The following PCDH9 variants were observed in gnomAD, a reference collection of about 807,000 sequenced individuals.
PCDH9 encodes the protein protocadherin-9.
Under a neutral mutation model 70.6 loss-of-function variants are expected in PCDH9, and 24 were observed. The observed-to-expected ratio is 0.34, with a 90% CI of 0.25 to 0.48. PCDH9 has a LOEUF of 0.48. Among genes scored for constraint, PCDH9 ranks in the 20% least tolerant of loss-of-function variants. The pLI is 0.99. For synonymous variants in PCDH9, 562 were observed against 558.5 expected (o/e 1.01, Z -0.09); for missense variants, 1,281 against 1,503.6 (o/e 0.85, Z 2.45).
At chr13:66,351,981 A>G (rs1247988861) in intron 4 of PCDH9, among the ~76,000 whole-genome samples, 1 of 152,106 alleles carries the variant, frequency 6.6e-6, no homozygotes, top group East Asian at 1.9e-4. Context: ...GATTACAGGC[A>G]TCAGCCACCA....
At chr13:66,582,054 T>G (rs140479055) in intron 4 of PCDH9, among the ~76,000 whole-genome samples, 70 of 152,250 alleles carry the variant, frequency 4.6e-4, no homozygotes, top group African/African-American at 1.6e-3. Flanking sequence ...GGGTAATGTC[T>G]TGAGACCAAA....
chr13:66,678,179 T>C (rs1179845567), intron 3 of PCDH9, among the ~76,000 whole-genome samples: 1 of 152,160 alleles, frequency 6.6e-6, no homozygotes, highest in Non-Finnish European at 1.5e-5. Flanking sequence ...CTGATGTTAC[T>C]GTTCAAACAT....
intron 4 of PCDH9, among the ~76,000 whole-genome samples, chr13:66,588,088 T>G (rs969672153): frequency 3.9e-5 from 6 of 152,110 alleles, no homozygotes; most frequent in African/African-American, 1.2e-4. Context: ...ACAATAACTT[T>G]GTAAAAAATC....
At chr13:66,872,738 G>T (rs2081718963) in intron 3 of PCDH9, among the ~76,000 whole-genome samples, 1 of 152,056 alleles carries the variant, frequency 6.6e-6, no homozygotes, top group Non-Finnish European at 1.5e-5. Context: ...GATTCAACTT[G>T]CAAGTCTTTG....
In PCDH9 at chr13:66,489,690, G is replaced by T. The variant is rs369693658; in HGVS notation, c.3340+141520C>A. On this transcript the variant is annotated intron_variant, in intron 4 of 4. Coordinates refer to ENST00000377865, the MANE Select transcript of PCDH9 (RefSeq NM_203487.3). Reference sequence around the variant, plus strand: ...CCTTCTCCACTGCAAATCCCATGAAGAAATTTCCATCTGTATATGCCTAGT... The same window carrying T: ...CCTTCTCCACTGCAAATCCCATGAATAAATTTCCATCTGTATATGCCTAGT... Among the ~76,000 whole-genome samples the T allele has an allele frequency of 1.2e-4, 19 of 152,158 alleles. No homozygotes were observed. In the South Asian group the frequency reaches 3.5e-3, roughly 28 times the overall value.
At chr13:66,562,699 A>C (rs766230239) in intron 4 of PCDH9, among the ~76,000 whole-genome samples, 1 of 152,140 alleles carries the variant, frequency 6.6e-6, no homozygotes, top group African/African-American at 2.4e-5. Flanking sequence ...GGGAGCTGCA[A>C]TTCAAGATGA....
At position 66,835,484 on chromosome 13, in the gene PCDH9, A is replaced by G. The variant is rs544144879; in HGVS notation, c.3138+68020T>C. On this transcript the variant is annotated intron_variant, in intron 3 of 4. Coordinates refer to ENST00000377865, the MANE Select transcript of PCDH9 (RefSeq NM_203487.3). ...CACGACATTTGTATTTGGGTCTGTC[A>G]TTGTGATTAAATAACACAGAATTTG... 1.4e-3 allele frequency among the ~76,000 whole-genome samples: 211 copies of G among 152,324 alleles called. 2 individuals are homozygous for G. The highest frequency in any genetic ancestry group is 2.4e-3 in the Admixed American group (37 of 15,302).
chr13:67,047,019 A>G (rs2085234868), intron 2 of PCDH9, among the ~76,000 whole-genome samples: 1 of 152,216 alleles, frequency 6.6e-6, no homozygotes, highest in African/African-American at 2.4e-5. Context: ...ACTTGCCATT[A>G]TGCCTGCATA....
intron 2 of PCDH9, among the ~76,000 whole-genome samples, chr13:67,152,681 C>T (rs1055510134): frequency 2.6e-5 from 4 of 152,014 alleles, no homozygotes; most frequent in Non-Finnish European, 5.9e-5. Flanking sequence ...CAAAATAGCC[C>T]CCACTTTTTT....
intron 2 of PCDH9, among the ~76,000 whole-genome samples, chr13:67,145,851 T>C (rs2087510489): frequency 6.6e-6 from 1 of 152,066 alleles, no homozygotes; most frequent in Non-Finnish European, 1.5e-5. Context: ...TCTTCAAACT[T>C]CAAAAGAGAT....
chr13:66,788,679 G>T, intron 3 of PCDH9, among the ~76,000 whole-genome samples: 1 of 129,964 alleles, frequency 7.7e-6, no homozygotes, highest in African/African-American at 3.0e-5. Context: ...TTTTTGCTGG[G>T]CTCCAAGTCA....
At chr13:66,490,906 A>C (rs977190507) in intron 4 of PCDH9, among the ~76,000 whole-genome samples, 1 of 152,202 alleles carries the variant, frequency 6.6e-6, no homozygotes, top group Non-Finnish European at 1.5e-5. Flanking sequence ...TTTGCCCAGC[A>C]TATCTGTCCC....
intron 3 of PCDH9, among the ~76,000 whole-genome samples, chr13:66,873,900 T>C (rs1260012106): frequency 6.6e-6 from 1 of 151,684 alleles, no homozygotes; most frequent in East Asian, 1.9e-4. Flanking sequence ...ATTACATTTC[T>C]TCTTTTTCTT....
intron 4 of PCDH9, among the ~76,000 whole-genome samples, chr13:66,537,812 G>T (rs1354621760): frequency 6.6e-6 from 1 of 152,060 alleles, no homozygotes; most frequent in African/African-American, 2.4e-5. Context: ...AGCTTTGGTA[G>T]TTTAGTGACC....
At chr13:66,641,240 G>GA (rs1463898558) in intron 3 of PCDH9, among the ~76,000 whole-genome samples, 1 of 152,048 alleles carries the variant, frequency 6.6e-6, no homozygotes, top group Non-Finnish European at 1.5e-5. Context: ...AGCAAAAAAA[G>GA]AAAAATGTCA....
At chr13:66,713,621 G>GTATATA (rs1415001060) in intron 3 of PCDH9, among the ~76,000 whole-genome samples, 63 of 16,904 alleles carry the variant, frequency 3.7e-3, no homozygotes, top group African/African-American at 6.9e-3. Flanking sequence ...AAGTGTGTGT[G>GTATATA]TGTGTATATA....
Position 66,603,224 on chromosome 13 carries a change from C to A in PCDH9, c.3340+27986G>T, listed in dbSNP as rs528530888. On this transcript the variant is annotated intron_variant, in intron 4 of 4. Transcript: ENST00000377865. ...TGACTTAGTGCTAGTTCTGACTATG[C>A]GTACACATTAAACATGTATATATCC... Among the ~76,000 whole-genome samples the A allele has an allele frequency of 1.8e-5, 2 of 114,140 alleles. 1 individual carries two copies. Among genetic ancestry groups the A allele is most frequent in the South Asian group, 5.5e-4 (2 of 3,612 alleles). The allele number at this position is 114,140 out of a possible 152,430, so 74.9% of individuals were successfully genotyped here.
intron 2 of PCDH9, among the ~76,000 whole-genome samples, chr13:67,075,785 T>C (rs2085866869): frequency 6.6e-6 from 1 of 152,058 alleles, no homozygotes; most frequent in Non-Finnish European, 1.5e-5. Context: ...ATGTGGTTTA[T>C]TCAATAATTA....
At chr13:67,204,674 T>C (rs1593615697) in intron 2 of PCDH9, 1 of 152,204 alleles carries the variant, frequency 6.6e-6, no homozygotes, top group East Asian at 1.9e-4. Flanking sequence ...ATAATGTCAC[T>C]ACAAATTATC....
Sources: allele counts gnomAD v4.1 joint callset (sites outside exome capture counted in the v4.1 genomes callset), GRCh38; gene constraint gnomAD v4.1.1; transcripts MANE v1.5; gene names NCBI Gene and HGNC (gene_info 2026-07-23, HGNC 2026-07-21).